The following NLRP3 variants were observed in gnomAD, a reference collection of about 807,000 sequenced individuals.
NLRP3 encodes the protein NACHT, LRR and PYD domains-containing protein 3.
Under a neutral mutation model 91.3 loss-of-function variants are expected in NLRP3, and 48 were observed. The ratio of observed to expected loss-of-function variants is 0.53; its 90% CI spans 0.42 to 0.67. The LOEUF is 0.67. Among genes scored for constraint, NLRP3 ranks in the 30% least tolerant of loss-of-function variants. The pLI, the probability that NLRP3 is intolerant of heterozygous loss-of-function variation, is 0.00. For synonymous variants in NLRP3, 561 were observed against 507.9 expected (o/e 1.10, Z -1.41); for missense variants, 982 against 1,276.9 (o/e 0.77, Z 3.52).
intron 5 of NLRP3, among the ~76,000 whole-genome samples, chr1:247,431,036 A>G (rs935161041): frequency 3.3e-5 from 5 of 152,000 alleles, no homozygotes; most frequent in Non-Finnish European, 7.4e-5. Context: ...CTGTGACTTT[A>G]TTAATAATGT....
At chr1:247,417,273 C>T (rs1662126023) in intron 1 of NLRP3, among the ~76,000 whole-genome samples, 1 of 152,136 alleles carries the variant, frequency 6.6e-6, no homozygotes, top group Non-Finnish European at 1.5e-5. Flanking sequence ...CGGCAGGCTT[C>T]CTAGTCCCCC....
In NLRP3 at chr1:247,423,994, A is replaced by T. The variant is rs761055853; in HGVS notation, c.545A>T (p.Glu182Val). ...IKEHRSQQER[E>V]QELLAIGKTK... is the part of the protein sequence containing the mutation. ...GAGCACCGGAGCCAGCAGGAGAGGG[A>T]GCAGGAGCTTCTGGCCATCGGCAAG... Residue 182 changes from glutamate to valine, a missense_variant, in exon 4 of 10, where the codon GAG (glutamate) becomes GTG (valine). This residue lies in a region of NLRP3 where 548 missense variants were observed against 713.7 expected (regional missense o/e 0.77). Coordinates refer to ENST00000336119, the MANE Select transcript of NLRP3 (RefSeq NM_001243133.2). The T allele has an allele frequency of 1.9e-6, 3 of 1,613,880 alleles. No individual in the cohort carries two copies. Among genetic ancestry groups the T allele is most frequent in the Non-Finnish European group, 2.5e-6 (3 of 1,179,982 alleles).
Position 247,419,069 on chromosome 1 carries a change from C to T in NLRP3, c.269C>T (p.Pro90Leu), listed in dbSNP as rs145774400. Residue 90 changes from proline to leucine, a missense_variant, in exon 2 of 10, where the codon CCG (proline) becomes CTG (leucine). By Grantham distance (98) the Pro-to-Leu change is moderately conservative. Around this residue, in one of 5 missense-constraint regions of NLRP3, gnomAD observed 548 missense variants for 713.7 expected, o/e 0.77. Transcript: ENST00000336119. Reference protein sequence around the residue: ...DLYEKAKRDEPKWGSDNARVS... With the variant: ...DLYEKAKRDELKWGSDNARVS... The stretch of plus-strand genomic sequence containing the variant: ...TATGAGAAAGCAAAAAGAGATGAGC[C>T]GAAGTGGGGTGAGTGGAAGGAAGAC... 26 of 1,610,022 alleles carry T rather than the reference C, an allele frequency of 1.6e-5. No individual in the cohort carries two copies. The highest frequency in any genetic ancestry group is 3.3e-5 in the Admixed American group (2 of 59,924).
intron 4 of NLRP3, among the ~76,000 whole-genome samples, chr1:247,426,078 G>A (rs923375434): frequency 2.6e-5 from 4 of 152,126 alleles, no homozygotes; most frequent in East Asian, 1.9e-4. Flanking sequence ...GGACCTGGGC[G>A]CATAGAGAAG....
At chr1:247,420,588 G>A (rs1662386224) in intron 2 of NLRP3, among the ~76,000 whole-genome samples, 1 of 152,026 alleles carries the variant, frequency 6.6e-6, no homozygotes, top group African/African-American at 2.4e-5. Flanking sequence ...GTGGTGGTGG[G>A]CACCTGTAAT....
rs545034734 is a variant in NLRP3, at chr1:247,425,657, C to A, written c.2150+58C>A. The A allele has an allele frequency of 1.3e-5, 19 of 1,506,290 alleles. No homozygotes were observed. Among genetic ancestry groups the A allele is most frequent in the Admixed American group, 3.4e-5 (2 of 59,530 alleles). 93.3% of individuals were successfully genotyped at this position (1,506,290 alleles called of 1,614,324 possible). ...TGCTTCCTCGCCAGCTTCTTCTTGG[C>A]GCTTGCCTCCTCTCATCTCTTTTCA... On this transcript the variant is annotated intron_variant, in intron 4 of 9. Transcript: ENST00000336119. The surrounding 1 kb of genome is among the most constrained non-coding windows in gnomAD (Gnocchi z 4.1).
chr1:247,438,130 G>A (rs1481957160), intron 7 of NLRP3, among the ~76,000 whole-genome samples: 3 of 152,188 alleles, frequency 2.0e-5, no homozygotes, highest in African/African-American at 4.8e-5. Flanking sequence ...AGTTCAGGAG[G>A]CCAAAGTCTG....
chr1:247,417,291 C>T (rs1341473012), intron 1 of NLRP3, among the ~76,000 whole-genome samples: 1 of 152,072 alleles, frequency 6.6e-6, no homozygotes, highest in Non-Finnish European at 1.5e-5. Flanking sequence ...CCCTAAGACT[C>T]AGTTTATGCA....
intron 8 of NLRP3, among the ~76,000 whole-genome samples, 176 bp from the exon 9 acceptor site, chr1:247,444,475 G>C (rs1379910036): frequency 1.3e-5 from 2 of 151,408 alleles, no homozygotes; most frequent in Non-Finnish European, 2.9e-5. Context: ...CAGTGGATTT[G>C]AAAAAGAGAG....
At position 247,425,038 on chromosome 1, in the gene NLRP3, T is replaced by C; in HGVS notation, c.1589T>C (p.Met530Thr). ...ACTTTCCAGGAGTTCTTTGCCGCCA[T>C]GTACTACCTGCTGGAAGAGGAAAAG... The part of the protein sequence containing the change: ...HMTFQEFFAA[M>T]YYLLEEEKEG... Residue 530 changes from methionine to threonine, a missense_variant, in exon 4 of 10, where the codon ATG becomes ACG. Coordinates refer to ENST00000336119, the MANE Select transcript of NLRP3 (RefSeq NM_001243133.2). The surrounding 1 kb of genome is among the most constrained non-coding windows in gnomAD (Gnocchi z 4.1). 2 of 1,614,170 alleles carry C rather than the reference T, an allele frequency of 1.2e-6. No homozygotes were observed. The highest frequency in any genetic ancestry group is 1.7e-6 in the Non-Finnish European group (2 of 1,180,032).
intron 7 of NLRP3, among the ~76,000 whole-genome samples, chr1:247,438,027 G>A (rs192648648): frequency 2.0e-5 from 3 of 152,310 alleles, no homozygotes; most frequent in East Asian, 3.9e-4. Context: ...TATGCTCTAT[G>A]TAGTTACTAT....
In NLRP3 at chr1:247,425,351, GA is replaced by G; in HGVS notation, c.1903del (p.Met635CysfsTer85). ...QLELFYCLYEMQEEDFVQRAM... is the reference protein window; with the variant it reads ...QLELFYCLYEXQEEDFVQRAM... The stretch of plus-strand genomic sequence containing the variant: ...TGGAATTGTTCTACTGTTTGTACGA[GA>G]TGCAGGAGGAGGACTTCGTGCAAAG... On this transcript the variant is annotated frameshift_variant, in exon 4 of 10. Transcript: ENST00000336119. LOFTEE classifies it high-confidence loss of function. This position sits in a 1 kb window ranked among gnomAD's most constrained non-coding sequence, Gnocchi z 4.1. 6.2e-7 allele frequency: 1 copy of G among 1,614,198 alleles called. No homozygotes were observed. Among genetic ancestry groups the G allele is most frequent in the Non-Finnish European group, 8.5e-7 (1 of 1,180,034 alleles).
At chr1:247,442,981 G>T (rs1453170038) in intron 7 of NLRP3, among the ~76,000 whole-genome samples, 3 of 152,166 alleles carry the variant, frequency 2.0e-5, no homozygotes, top group African/African-American at 7.2e-5. Context: ...AGGTTGAAGT[G>T]CAGTGGCAAT....
intron 2 of NLRP3, among the ~76,000 whole-genome samples, chr1:247,419,301 T>G (rs1572154150): frequency 6.6e-6 from 1 of 151,886 alleles, no homozygotes; most frequent in South Asian, 2.1e-4. Context: ...ATTACAGGCA[T>G]TGCACCTCCA....
intron 2 of NLRP3, among the ~76,000 whole-genome samples, chr1:247,421,942 T>A (rs10802497): frequency 9.9e-5 from 15 of 151,728 alleles, no homozygotes; most frequent in Non-Finnish European, 2.9e-5. Context: ...CAGGCTGGAG[T>A]GAGCTATGAC....
rs1270507615 is a variant in NLRP3 at position 247,448,558 on chromosome 1, G to GC, written c.*57dup. The stretch of plus-strand genomic sequence containing the variant: ...TGTTCTCCGGTCCCTCCAGCTGGGG[G>GC]CCCTCAGGTGGAGAGAGCTGCGATC... On this transcript the variant is annotated 3_prime_UTR_variant, in exon 10 of 10. Transcript: ENST00000336119. The GC allele has an allele frequency of 9.4e-7, 1 of 1,063,340 alleles. No individual in the cohort carries two copies. Among genetic ancestry groups the GC allele is most frequent in the Non-Finnish European group, 1.5e-6 (1 of 677,318 alleles). 65.9% of individuals were successfully genotyped at this position (1,063,340 alleles called of 1,614,324 possible). A position where few individuals can be genotyped will look rare whatever the true frequency, so the allele number is the denominator to read the frequency against.
Position 247,424,431 on chromosome 1 carries a change from A to G in NLRP3, c.982A>G (p.Ile328Val). Residue 328 changes from isoleucine (I) to valine (V), a missense_variant, in exon 4 of 10, where the codon ATT (isoleucine) becomes GTT (valine). By Grantham distance (29) the Ile-to-Val change is conservative. Coordinates refer to ENST00000336119, the MANE Select transcript of NLRP3 (RefSeq NM_001243133.2). The surrounding 1 kb of genome is among the most constrained non-coding windows in gnomAD (Gnocchi z 8.1). ...CTGGCAGAAGGCCGAGCGGGGAGAC[A>G]TTCTCCTGAGCAGCCTCATCAGAAA... is the stretch of plus-strand genomic sequence containing the variant. ...TDWQKAERGD[I>V]LLSSLIRKKL... 1 of 1,614,178 alleles carries G rather than the reference A, an allele frequency of 6.2e-7. No homozygotes were observed. Among genetic ancestry groups the G allele is most frequent in the Non-Finnish European group, 8.5e-7 (1 of 1,180,032 alleles).
chr1:247,417,176 TTGTC>T, intron 1 of NLRP3, among the ~76,000 whole-genome samples: 1 of 152,318 alleles, frequency 6.6e-6, no homozygotes. Flanking sequence ...GTCTTTGTCT[TTGTC>T]TGACTGAAAC....
intron 5 of NLRP3, among the ~76,000 whole-genome samples, chr1:247,431,711 A>C (rs115854871): frequency 4.6e-5 from 7 of 152,316 alleles, no homozygotes; most frequent in African/African-American, 1.4e-4. Flanking sequence ...CATTCTCTGC[A>C]CAAAAGTAAG....
Sources: allele counts gnomAD v4.1 joint callset (sites outside exome capture counted in the v4.1 genomes callset), GRCh38; gene constraint gnomAD v4.1.1; regional missense constraint gnomAD v4.1.1; non-coding constraint Gnocchi (gnomAD v3.1); transcripts MANE v1.5; gene names NCBI Gene and HGNC (gene_info 2026-07-23, HGNC 2026-07-21).